The following ACACA variants were observed in gnomAD, a reference collection of about 807,000 sequenced individuals.
ACACA encodes the protein acetyl-CoA carboxylase 1.
A neutral mutation model predicts 296.1 loss-of-function variants in ACACA; 103 were observed. That is an observed-to-expected ratio of 0.35 (90% CI 0.30 to 0.41). ACACA has a LOEUF of 0.41. Among genes scored for constraint, ACACA ranks in the 10% least tolerant of loss-of-function variants. The pLI, the probability that ACACA is intolerant of heterozygous loss-of-function variation, is 1.00. For synonymous variants in ACACA, 953 were observed against 1,038.6 expected (o/e 0.92, Z 1.58); for missense variants, 1,554 against 2,989.7 (o/e 0.52, Z 11.20).
chr17:37,298,592 T>C (rs1254974689), intron 3 of ACACA, among the ~76,000 whole-genome samples: 1 of 151,768 alleles, frequency 6.6e-6, no homozygotes, highest in Non-Finnish European at 1.5e-5. Flanking sequence ...GAGGCTGAGG[T>C]GGGAGGATCA....
At chr17:37,156,188 C>T (rs1004239994) in intron 42 of ACACA, among the ~76,000 whole-genome samples, 2 of 151,648 alleles carry the variant, frequency 1.3e-5, no homozygotes, top group Non-Finnish European at 2.9e-5. Context: ...CTCAGCCTCC[C>T]AAGTAGCTGG....
chr17:37,342,976 ATT>A (rs939888027), intron 1 of ACACA, among the ~76,000 whole-genome samples: 5 of 150,498 alleles, frequency 3.3e-5, no homozygotes. Context: ...TCATTCAGAA[ATT>A]TTTTTTTTCT....
intron 49 of ACACA, among the ~76,000 whole-genome samples, 195 bp from the exon 50 acceptor site, chr17:37,121,685 A>G (rs2074534524): frequency 6.6e-6 from 1 of 152,214 alleles, no homozygotes; most frequent in African/African-American, 2.4e-5. Context: ...GTCAAATACT[A>G]TTCTTTTTAA....
chr17:37,268,733 CTATCTATCTATA>C (rs1459397649), intron 10 of ACACA, among the ~76,000 whole-genome samples: 7 of 70,818 alleles, frequency 9.9e-5, no homozygotes, highest in East Asian at 8.7e-4. Flanking sequence ...ATCTATCTAT[CTATCTATCTATA>C]TATATATATA....
rs1319310247 is a variant in ACACA at position 37,225,040 on chromosome 17, T to C, written c.3426A>G (p.Leu1142=). 5 of 1,612,646 alleles carry C rather than the reference T, an allele frequency of 3.1e-6. No homozygotes were observed. The highest frequency in any genetic ancestry group is 2.2e-5 in the South Asian group (2 of 91,026). The change falls in exon 27 of 56, where the codon CTA becomes CTG. Residue 1142 remains leucine (L), a synonymous_variant. Transcript: ENST00000616317. ...GATGTCCATACATGTCAATAGCTGA[T>C]AGGAAGATAGACTCTACTTGGTTAT... The part of the protein sequence containing the change: ...LRHNQVESIF[L]SAIDMYGHQF...
Position 37,276,040 on chromosome 17 carries a change from C to T in ACACA, c.812G>A (p.Ser271Asn). 1.2e-6 allele frequency: 2 copies of T among 1,614,130 alleles called. No individual in the cohort carries two copies. The highest frequency in any genetic ancestry group is 1.7e-6 in the Non-Finnish European group (2 of 1,179,956). ...KNGIAFMGPP[S>N]QAMWALGDKI... ...ATCCCCTAAAGCCCACATGGCCTGG[C>T]TTGGAGGACCTAAAAACGAAACAGG... Residue 271 changes from serine to asparagine, a missense_variant, in exon 8 of 56, where the codon AGC (serine) becomes AAC (asparagine). Physicochemically the swap from Ser to Asn is conservative, Grantham distance 46 (BLOSUM62 1). Transcript: ENST00000616317.
intron 1 of ACACA, chr17:37,379,045 T>C (rs777955400): frequency 4.9e-6 from 7 of 1,420,772 alleles, no homozygotes; most frequent in Non-Finnish European, 6.6e-6. Context: ...GCACTCCAGC[T>C]TGGGTGACAG....
chr17:37,260,751 AAAAG>A (rs2081478123), intron 11 of ACACA, among the ~76,000 whole-genome samples: 1 of 152,174 alleles, frequency 6.6e-6, no homozygotes, highest in Non-Finnish European at 1.5e-5. Flanking sequence ...AAAGGAAAAG[AAAAG>A]AAAGAAAAAG....
intron 42 of ACACA, among the ~76,000 whole-genome samples, chr17:37,156,810 C>T (rs1009901865): frequency 6.6e-6 from 1 of 152,152 alleles, no homozygotes; most frequent in East Asian, 1.9e-4. Context: ...ATTATGCCCA[C>T]CATTTAACTC....
chr17:37,143,851 G>A (rs946189480), intron 45 of ACACA: 24 of 1,534,268 alleles, frequency 1.6e-5, no homozygotes, highest in African/African-American at 2.7e-5. Context: ...CTTCAGCTTC[G>A]CAGCCTTCTT....
intron 51 of ACACA, among the ~76,000 whole-genome samples, chr17:37,112,212 T>A (rs2074014116): frequency 6.6e-6 from 1 of 152,138 alleles, no homozygotes; most frequent in Non-Finnish European, 1.5e-5. Flanking sequence ...GTCTCAGGGT[T>A]ACTTTTAGTG....
chr17:37,389,108 A>G (rs2050676720), intron 1 of ACACA: 4 of 1,192,166 alleles, frequency 3.4e-6, no homozygotes, highest in Non-Finnish European at 4.6e-6. Context: ...GACATTTTCT[A>G]GGAAGGATAG....
In ACACA at chr17:37,284,321, A is replaced by G. The variant is rs114172600; in HGVS notation, c.471+517T>C. ...AGCCTTCTCTTCTGAAACTCTCTCT[A>G]CTCCCTTAGCTTTCAAACCAGTGCT... On this transcript the variant is annotated intron_variant, in intron 4 of 55. Transcript: ENST00000616317. 2.8e-3 allele frequency among the ~76,000 whole-genome samples: 429 copies of G among 151,874 alleles called. 1 individual carries two copies. Among genetic ancestry groups the G allele is most frequent in the Middle Eastern group, 0.01 (3 of 294 alleles).
At chr17:37,328,421 A>G (rs2047716354) in intron 3 of ACACA, among the ~76,000 whole-genome samples, 1 of 152,202 alleles carries the variant, frequency 6.6e-6, no homozygotes, top group Non-Finnish European at 1.5e-5. Flanking sequence ...AATGTTTTAA[A>G]TTAATTTTTT....
chr17:37,362,313 A>G (rs1179423650), intron 1 of ACACA, among the ~76,000 whole-genome samples: 2 of 152,224 alleles, frequency 1.3e-5, no homozygotes, highest in African/African-American at 4.8e-5. Flanking sequence ...ATGTAAAGGT[A>G]TTAGGGACTC....
intron 1 of ACACA, among the ~76,000 whole-genome samples, chr17:37,375,392 CAGG>C (rs923091860): frequency 3.3e-5 from 5 of 152,046 alleles, no homozygotes; most frequent in African/African-American, 1.2e-4. Context: ...GAGGCTGAGG[CAGG>C]AGAATGGCGT....
At chr17:37,332,212 G>A (rs1167893703) in intron 2 of ACACA, among the ~76,000 whole-genome samples, 3 of 145,082 alleles carry the variant, frequency 2.1e-5, no homozygotes, top group East Asian at 4.0e-4. Flanking sequence ...GAACTTAAAA[G>A]TATAATTTAA....
intron 45 of ACACA, among the ~76,000 whole-genome samples, chr17:37,132,062 C>T (rs1217351587): frequency 6.6e-6 from 1 of 152,206 alleles, no homozygotes; most frequent in Non-Finnish European, 1.5e-5. Flanking sequence ...ACTGATCTCT[C>T]GGTCACTCAG....
At position 37,191,299 on chromosome 17, in the gene ACACA, C is replaced by A. The variant is rs554006520; in HGVS notation, c.4417-24G>T. ...TCCTATACAGGAAGAAAATAATCAA[C>A]ATTAATGTAGTTTAAAAGAGGCAAT... On this transcript the variant is annotated intron_variant, in intron 37 of 55. Coordinates refer to ENST00000616317, the MANE Select transcript of ACACA (RefSeq NM_198834.3). 2.7e-5 allele frequency: 44 copies of A among 1,608,592 alleles called. 1 individual carries two copies. The East Asian group carries it at 9.8e-4, about 36-fold the overall frequency.
Sources: allele counts gnomAD v4.1 joint callset (sites outside exome capture counted in the v4.1 genomes callset), GRCh38; gene constraint gnomAD v4.1.1; transcripts MANE v1.5; gene names NCBI Gene and HGNC (gene_info 2026-07-23, HGNC 2026-07-21).